Variants in GAS7 observed in about 807,000 individuals in gnomAD.
GAS7 encodes growth arrest-specific protein 7.
GAS7 carries 28 observed loss-of-function variants against 71.1 expected under a neutral mutation model. The ratio of observed to expected loss-of-function variants is 0.39; its 90% CI spans 0.29 to 0.54. The LOEUF (loss-of-function observed/expected upper bound fraction) is 0.54. Ranked by LOEUF, GAS7 falls within the 20% of genes least tolerant of loss-of-function variation. GAS7 has a pLI of 0.62. For synonymous variants in GAS7, 258 were observed against 245.8 expected (o/e 1.05, Z -0.46); for missense variants, 436 against 627.8 (o/e 0.69, Z 3.27).
chr17:10,036,358 G>A, intron 1 of GAS7: 10 of 1,201,290 alleles, frequency 8.3e-6, no homozygotes, highest in South Asian at 6.0e-5. Flanking sequence ...CTTTACCATG[G>A]CACAGTCATT....
Position 10,090,451 on chromosome 17 carries a change from G to A in GAS7, c.184-70554C>T, listed in dbSNP as rs574958356. ...AGATCTCTCACAAACTTCAGAATTAGTAAGAACAGATCTCTGCAACACACC... is the reference window on the plus strand; with the variant it reads ...AGATCTCTCACAAACTTCAGAATTAATAAGAACAGATCTCTGCAACACACC... On this transcript the variant is annotated intron_variant, in intron 1 of 13. Transcript: ENST00000432992. 6.6e-5 allele frequency among the ~76,000 whole-genome samples: 10 copies of A among 152,274 alleles called. 1 individual carries two copies. In the South Asian group the frequency reaches 2.1e-3, roughly 32 times the overall value.
chr17:9,918,156 C>G, intron 12 of GAS7, 57 bp from the exon 13 acceptor site: 1 of 1,282,698 alleles, frequency 7.8e-7, no homozygotes, highest in Non-Finnish European at 1.1e-6. Flanking sequence ...CTTGGGGGTC[C>G]CCCCACCAAG....
chr17:10,097,668 C>A (rs531045698), intron 1 of GAS7, among the ~76,000 whole-genome samples: 1 of 152,128 alleles, frequency 6.6e-6, no homozygotes, highest in Non-Finnish European at 1.5e-5. Flanking sequence ...TATCGGAATC[C>A]GCAGGCAGGT....
intron 2 of GAS7, among the ~76,000 whole-genome samples, chr17:10,005,164 C>CACGCATGCATGTATGTGCGTGT (rs1567880102): frequency 5.0e-5 from 5 of 99,022 alleles, no homozygotes; most frequent in African/African-American, 1.3e-4. Context: ...CATGTGTGTG[C>CACGCATGCATGTATGTGCGTGT]GCACGCATGC....
chr17:10,013,946 G>T (rs1301701988), intron 2 of GAS7, among the ~76,000 whole-genome samples: 3 of 152,118 alleles, frequency 2.0e-5, no homozygotes, highest in Non-Finnish European at 4.4e-5. Flanking sequence ...CAAATCCTGG[G>T]CCACCCTCTG....
intron 9 of GAS7, among the ~76,000 whole-genome samples, chr17:9,932,338 G>A (rs1371858201): frequency 6.6e-6 from 1 of 152,072 alleles, no homozygotes; most frequent in African/African-American, 2.4e-5. Flanking sequence ...GGGACTACAG[G>A]CATGCGCCAC....
At chr17:9,941,622 C>T (rs942065983) in intron 7 of GAS7, among the ~76,000 whole-genome samples, 1 of 152,230 alleles carries the variant, frequency 6.6e-6, no homozygotes, top group Non-Finnish European at 1.5e-5. Context: ...CCCGGAATGT[C>T]CTGAAATGGC....
chr17:10,181,925 T>A (rs967978530), intron 1 of GAS7, among the ~76,000 whole-genome samples: 1 of 152,116 alleles, frequency 6.6e-6, no homozygotes, highest in African/African-American at 2.4e-5. Context: ...ATTGGCATGC[T>A]AAATGACACT....
intron 1 of GAS7, among the ~76,000 whole-genome samples, chr17:10,088,299 G>T (rs2073543976): frequency 6.6e-6 from 1 of 151,546 alleles, no homozygotes; most frequent in Non-Finnish European, 1.5e-5. Context: ...CACAACCCTG[G>T]CTCTGTTAGG....
At chr17:10,142,120 G>T (rs1033020455) in intron 1 of GAS7, among the ~76,000 whole-genome samples, 2 of 151,590 alleles carry the variant, frequency 1.3e-5, no homozygotes, top group African/African-American at 4.8e-5. Context: ...CCCAGCTGAG[G>T]CAGGAGAATG....
chr17:10,170,635 T>C (rs1470970729), intron 1 of GAS7, among the ~76,000 whole-genome samples: 2 of 152,242 alleles, frequency 1.3e-5, no homozygotes, highest in Non-Finnish European at 2.9e-5. Context: ...CCTTGCTATC[T>C]GTCACCCCTA....
At chr17:10,016,626 A>C (rs1401515863) in intron 2 of GAS7, among the ~76,000 whole-genome samples, 1 of 145,836 alleles carries the variant, frequency 6.9e-6, no homozygotes, top group Non-Finnish European at 1.5e-5. Flanking sequence ...AAAAAAAAAC[A>C]AAACAAAAAA....
At chr17:10,075,818 G>A (rs62065848) in intron 1 of GAS7, among the ~76,000 whole-genome samples, 1 of 150,806 alleles carries the variant, frequency 6.6e-6, no homozygotes, top group Non-Finnish European at 1.5e-5. Context: ...AAAAAAAAAG[G>A]CTGGGAGCAG....
Position 9,914,092 on chromosome 17 carries a change from G to C in GAS7, c.*3136C>G, listed in dbSNP as rs1597428396. The stretch of plus-strand genomic sequence containing the variant: ...ATTTTCTCAGTTGCATCCTAACCTT[G>C]ATTTCAACCAGAAACGGGCCCCTGT... On this transcript the variant is annotated 3_prime_UTR_variant, in exon 14 of 14. Coordinates refer to ENST00000432992, the MANE Select transcript of GAS7 (RefSeq NM_201433.2). 8.7e-6 allele frequency: 2 copies of C among 228,572 alleles called. No homozygotes were observed. The highest frequency in any genetic ancestry group is 1.1e-4 in the Admixed American group (2 of 17,622). 14.2% of individuals were successfully genotyped at this position (228,572 alleles called of 1,614,324 possible).
intron 3 of GAS7, among the ~76,000 whole-genome samples, chr17:9,980,663 G>A (rs1469193112): frequency 2.0e-5 from 3 of 152,158 alleles, no homozygotes; most frequent in Admixed American, 6.5e-5. Flanking sequence ...AGTTCAACAC[G>A]GAAGCCAGGC....
At chr17:9,989,022 TG>T in intron 2 of GAS7, among the ~76,000 whole-genome samples, 1 of 152,200 alleles carries the variant, frequency 6.6e-6, no homozygotes, top group East Asian at 1.9e-4. Flanking sequence ...CTAATTTTTT[TG>T]TATTTTTAGT....
chr17:9,921,545 C>G (rs1215205074), intron 11 of GAS7, among the ~76,000 whole-genome samples: 1 of 152,204 alleles, frequency 6.6e-6, no homozygotes, highest in East Asian at 1.9e-4. Context: ...TCAGGAACTT[C>G]CACAGCATTG....
intron 2 of GAS7, among the ~76,000 whole-genome samples, chr17:10,015,375 T>C (rs1280928895): frequency 6.6e-6 from 1 of 152,060 alleles, no homozygotes; most frequent in African/African-American, 2.4e-5. Context: ...ATGGCCTGCT[T>C]AGAACCGGGA....
At chr17:10,108,396 C>T (rs1278157642) in intron 1 of GAS7, among the ~76,000 whole-genome samples, 1 of 152,206 alleles carries the variant, frequency 6.6e-6, no homozygotes, top group South Asian at 2.1e-4. Flanking sequence ...CACACACATT[C>T]TGGTGCATCT....
Sources: gnomAD v4.1 joint callset for allele counts (sites outside exome capture counted in the v4.1 genomes callset) on GRCh38, gnomAD v4.1.1 for gene constraint, MANE v1.5 for transcripts, NCBI Gene and HGNC (gene_info 2026-07-23, HGNC 2026-07-21) for gene names.